Variants in LRRC37A2 observed in about 807,000 individuals in gnomAD.
LRRC37A2 encodes the protein leucine-rich repeat-containing protein 37A2.
A neutral mutation model predicts 68.8 loss-of-function variants in LRRC37A2; 9 were observed. That is an observed-to-expected ratio of 0.13 (90% CI 0.08 to 0.23). The LOEUF is 0.23. Among genes scored for constraint, LRRC37A2 ranks in the 10% least tolerant of loss-of-function variants. LRRC37A2 has a pLI of 1.00. For synonymous variants in LRRC37A2, 63 were observed against 367.6 expected (o/e 0.17, Z 9.48); for missense variants, 168 against 950.4 (o/e 0.18, Z 10.82).
chr17:46,966,538 A>C, the LRRC37A2 span: 4 of 692,462 alleles, frequency 5.8e-6, no homozygotes, highest in Middle Eastern at 2.3e-4. Flanking sequence ...TTGCAGAGAC[A>C]AGGTCTCACC....
the LRRC37A2 span, among the ~76,000 whole-genome samples, chr17:46,773,249 A>G: frequency 1.3e-5 from 2 of 152,252 alleles, no homozygotes; most frequent in East Asian, 3.9e-4. Context: ...ACGCAATGCT[A>G]CCACAGCACC....
chr17:46,502,044 T>A, the LRRC37A2 span, among the ~76,000 whole-genome samples: 1 of 151,352 alleles, frequency 6.6e-6, no homozygotes, highest in Admixed American at 6.6e-5. Context: ...GGTAAAGGTA[T>A]GGTAAAGATG....
the LRRC37A2 span, among the ~76,000 whole-genome samples, chr17:46,954,464 C>T: frequency 0.45 from 67,886 of 152,040 alleles, 15,374 homozygotes; most frequent in South Asian, 0.52. Context: ...TGAAATCAGG[C>T]AGTGTGATGC....
the LRRC37A2 span, among the ~76,000 whole-genome samples, chr17:46,822,482 A>C: frequency 3.9e-5 from 6 of 152,334 alleles, no homozygotes; most frequent in South Asian, 1.2e-3. Context: ...AGGTCGGCTC[A>C]GAGCCCAGCG....
chr17:46,809,934 G>A, the LRRC37A2 span, among the ~76,000 whole-genome samples: 1 of 151,830 alleles, frequency 6.6e-6, no homozygotes, highest in Non-Finnish European at 1.5e-5. Flanking sequence ...GCTCAGGGGG[G>A]CTCTTAGGTC....
chr17:46,843,069 C>A, the LRRC37A2 span, among the ~76,000 whole-genome samples: 1 of 152,218 alleles, frequency 6.6e-6, no homozygotes, highest in Non-Finnish European at 1.5e-5. Flanking sequence ...TGCAACCAGG[C>A]CACATTAGAC....
chr17:46,731,939 G>C, the LRRC37A2 span, among the ~76,000 whole-genome samples: 16 of 152,088 alleles, frequency 1.1e-4, no homozygotes. Context: ...ATTCTCTCAA[G>C]AAAATAAGGG....
At chr17:46,900,202 TACACACACACACAC>T in the LRRC37A2 span, among the ~76,000 whole-genome samples, 10 of 101,154 alleles carry the variant, frequency 9.9e-5, no homozygotes, top group African/African-American at 4.1e-4. Context: ...TATATATATA[TACACACACACACAC>T]ACACATATAT....
chr17:46,785,394 A>G, the LRRC37A2 span, among the ~76,000 whole-genome samples: 1 of 152,210 alleles, frequency 6.6e-6, no homozygotes, highest in Non-Finnish European at 1.5e-5. Flanking sequence ...GTGGAAGGGG[A>G]TATCCCAGGC....
chr17:46,801,773 T>C, the LRRC37A2 span, among the ~76,000 whole-genome samples: 2 of 152,048 alleles, frequency 1.3e-5, no homozygotes, highest in Non-Finnish European at 1.5e-5. Context: ...ACCACAGCTG[T>C]GAGGGAGGGC....
At chr17:46,933,650 A>C in the LRRC37A2 span, 32 of 120,346 alleles carry the variant, frequency 2.7e-4, no homozygotes, top group African/African-American at 1.1e-3. Context: ...TTTTTTGGAC[A>C]ATTGAAACTG....
the LRRC37A2 span, chr17:46,940,556 C>A: frequency 1.9e-6 from 3 of 1,614,158 alleles, 1 homozygote; most frequent in South Asian, 3.3e-5. Context: ...GTCCCCCAGG[C>A]ACCCAAGGAT....
the LRRC37A2 span, among the ~76,000 whole-genome samples, chr17:46,997,633 G>T: frequency 6.6e-6 from 1 of 152,170 alleles, no homozygotes; most frequent in African/African-American, 2.4e-5. Flanking sequence ...TCAAAATCCA[G>T]ACCGTGGGTA....
At chr17:46,908,040 T>A in the LRRC37A2 span, among the ~76,000 whole-genome samples, 2 of 152,118 alleles carry the variant, frequency 1.3e-5, no homozygotes, top group East Asian at 3.9e-4. Flanking sequence ...ACCGACCCTC[T>A]AATCCCCCAA....
the LRRC37A2 span, among the ~76,000 whole-genome samples, chr17:46,811,346 T>A: frequency 6.6e-6 from 1 of 152,114 alleles, no homozygotes; most frequent in Non-Finnish European, 1.5e-5. Context: ...CTCCTGTCAA[T>A]GGCGCGGAAG....
chr17:46,952,421 C>G, the LRRC37A2 span, among the ~76,000 whole-genome samples: 6 of 152,196 alleles, frequency 3.9e-5, no homozygotes, highest in Admixed American at 3.9e-4. Context: ...CATTCCTCCC[C>G]TATTCTCACT....
At chr17:47,040,645 T>C in the LRRC37A2 span, among the ~76,000 whole-genome samples, 2 of 86,222 alleles carry the variant, frequency 2.3e-5, no homozygotes, top group South Asian at 5.5e-4. Context: ...TTGGAACTGA[T>C]AAGTCTCCTA....
the LRRC37A2 span, chr17:46,851,673 T>C: frequency 7.6e-7 from 1 of 1,308,768 alleles, no homozygotes; most frequent in Non-Finnish European, 9.7e-7. The surrounding 1 kb of genome is among the most constrained non-coding windows in gnomAD (Gnocchi z 4.3). Flanking sequence ...CTGGCCGGGC[T>C]CTGCCTGCTG....
chr17:46,880,766 G>A, the LRRC37A2 span, among the ~76,000 whole-genome samples: 7 of 152,108 alleles, frequency 4.6e-5, no homozygotes, highest in Admixed American at 3.9e-4. Context: ...GGGATGGATC[G>A]CCCCATTTTA....
Sources: allele counts gnomAD v4.1 joint callset (sites outside exome capture counted in the v4.1 genomes callset), GRCh38; gene constraint gnomAD v4.1.1; non-coding constraint Gnocchi (gnomAD v3.1); transcripts MANE v1.5; gene names NCBI Gene and HGNC (gene_info 2026-07-23, HGNC 2026-07-21).